Variants in PDZD2 observed in about 807,000 individuals in gnomAD.
PDZD2 encodes the protein PDZ domain-containing protein 2.
Under a neutral mutation model 220.7 loss-of-function variants are expected in PDZD2, and 90 were observed. That is an observed-to-expected ratio of 0.41 (90% CI 0.34 to 0.49). PDZD2 has a LOEUF of 0.49. Ranked by LOEUF, PDZD2 falls within the 20% of genes least tolerant of loss-of-function variation. The pLI, the probability that PDZD2 is intolerant of heterozygous loss-of-function variation, is 0.28. For synonymous variants in PDZD2, 1,375 were observed against 1,450.5 expected (o/e 0.95, Z 1.18); for missense variants, 3,174 against 3,608.5 (o/e 0.88, Z 3.08).
At chr5:31,949,524 C>A (rs967270089) in intron 2 of PDZD2, among the ~76,000 whole-genome samples, 1 of 152,128 alleles carries the variant, frequency 6.6e-6, no homozygotes, top group Non-Finnish European at 1.5e-5. Flanking sequence ...AAGTGGTCTA[C>A]CCCATTCTTC....
At chr5:31,849,977 T>TATATATATATAC (rs1757887330) in intron 2 of PDZD2, among the ~76,000 whole-genome samples, 1 of 36,010 alleles carries the variant, frequency 2.8e-5, no homozygotes, top group East Asian at 6.8e-4. Context: ...TATATATATA[T>TATATATATATAC]ACATATATAT....
chr5:31,724,226 C>A (rs1279151640), intron 1 of PDZD2, among the ~76,000 whole-genome samples: 1 of 152,144 alleles, frequency 6.6e-6, no homozygotes, highest in Non-Finnish European at 1.5e-5. Context: ...TTAAGGTGAG[C>A]TTTTGTGATG....
At chr5:31,902,285 G>A (rs913335358) in intron 2 of PDZD2, among the ~76,000 whole-genome samples, 1 of 152,098 alleles carries the variant, frequency 6.6e-6, no homozygotes, top group African/African-American at 2.4e-5. Context: ...CCAATCTAGT[G>A]TGTATAAAGT....
intron 1 of PDZD2, among the ~76,000 whole-genome samples, chr5:31,794,551 C>A (rs1753912461): frequency 6.6e-6 from 1 of 151,826 alleles, no homozygotes; most frequent in Non-Finnish European, 1.5e-5. Flanking sequence ...CGGGCGCCCA[C>A]CACCACTCCC....
intron 1 of PDZD2, among the ~76,000 whole-genome samples, chr5:31,722,092 C>T (rs1395787533): frequency 6.6e-6 from 1 of 152,182 alleles, no homozygotes; most frequent in African/African-American, 2.4e-5. Flanking sequence ...CAAGGCTGCT[C>T]CCTCCAGCCT....
intron 2 of PDZD2, among the ~76,000 whole-genome samples, chr5:31,926,853 G>A (rs1242828450): frequency 1.9e-5 from 1 of 51,910 alleles, no homozygotes; most frequent in African/African-American, 7.3e-5. Flanking sequence ...TAAACAAAGT[G>A]TGATATATAT....
At chr5:31,957,338 A>T (rs1747801608) in intron 2 of PDZD2, among the ~76,000 whole-genome samples, 3 of 152,206 alleles carry the variant, frequency 2.0e-5, no homozygotes, top group Non-Finnish European at 4.4e-5. Context: ...AGCTCTAGGA[A>T]TTTAATCTAG....
At chr5:31,980,240 TTC>T (rs1358761931) in intron 2 of PDZD2, among the ~76,000 whole-genome samples, 1 of 152,188 alleles carries the variant, frequency 6.6e-6, no homozygotes, top group Non-Finnish European at 1.5e-5. Context: ...GCACTAATCT[TTC>T]TGTCTCTATG....
chr5:32,064,299 T>C (rs1318848524), intron 14 of PDZD2, among the ~76,000 whole-genome samples: 5 of 151,954 alleles, frequency 3.3e-5, no homozygotes, highest in African/African-American at 1.2e-4. Context: ...TGGAGTGCAG[T>C]GGTGCAGTCT....
At chr5:31,936,566 T>TAA (rs11378684) in intron 2 of PDZD2, among the ~76,000 whole-genome samples, 15 of 145,150 alleles carry the variant, frequency 1.0e-4, no homozygotes, top group South Asian at 4.4e-4. Context: ...AGAGTTGCTT[T>TAA]AAAAAAAAAA....
intron 2 of PDZD2, among the ~76,000 whole-genome samples, chr5:31,835,946 G>T (rs1756919857): frequency 6.6e-6 from 1 of 152,224 alleles, no homozygotes. Flanking sequence ...TTTCCAGCAG[G>T]CTCATCACTC....
intron 1 of PDZD2, among the ~76,000 whole-genome samples, chr5:31,752,080 T>G (rs1233305630): frequency 1.6e-5 from 2 of 127,060 alleles, no homozygotes; most frequent in Non-Finnish European, 3.4e-5. Flanking sequence ...TTTGTTTTTT[T>G]TTTTTTTTTT....
At chr5:31,780,803 T>G (rs1024478393) in intron 1 of PDZD2, among the ~76,000 whole-genome samples, 3 of 152,122 alleles carry the variant, frequency 2.0e-5, no homozygotes, top group African/African-American at 7.2e-5. Context: ...CACTCTGTGA[T>G]CCCCAGGATT....
intron 6 of PDZD2, among the ~76,000 whole-genome samples, chr5:32,018,206 G>C (rs1753920701): frequency 6.6e-6 from 1 of 152,244 alleles, no homozygotes; most frequent in Admixed American, 6.5e-5. Flanking sequence ...GCACTCTGGA[G>C]AGGCCTCCTT....
chr5:32,007,914 C>T (rs1215401994), intron 5 of PDZD2, among the ~76,000 whole-genome samples: 2 of 150,082 alleles, frequency 1.3e-5, no homozygotes, highest in Admixed American at 6.7e-5. Context: ...ATCTCACCTG[C>T]GTCTTACAGC....
chr5:31,954,325 CTAT>C (rs1747465772), intron 2 of PDZD2, among the ~76,000 whole-genome samples: 3 of 152,224 alleles, frequency 2.0e-5, no homozygotes, highest in East Asian at 3.9e-4. Flanking sequence ...ATTATAGAAG[CTAT>C]TATTATTTTT....
chr5:31,826,528 T>C (rs914332010), intron 2 of PDZD2, among the ~76,000 whole-genome samples: 2 of 151,860 alleles, frequency 1.3e-5, no homozygotes, highest in Non-Finnish European at 2.9e-5. Context: ...CAAAAAAAAT[T>C]AGCCAGCTGT....
chr5:32,100,445 G>A (rs1744149829), intron 23 of PDZD2: 1 of 227,254 alleles, frequency 4.4e-6, no homozygotes, highest in Non-Finnish European at 8.8e-6. Context: ...CCCGAAACCA[G>A]CACACAGAGC....
chr5:31,864,908 G>A (rs926916062), intron 2 of PDZD2, among the ~76,000 whole-genome samples: 4 of 144,680 alleles, frequency 2.8e-5, no homozygotes, highest in African/African-American at 1.0e-4. Context: ...GTGTGCAGTG[G>A]CGTAATCTCG....
Sources: allele counts gnomAD v4.1 joint callset (sites outside exome capture counted in the v4.1 genomes callset), GRCh38; gene constraint gnomAD v4.1.1; transcripts MANE v1.5; gene names NCBI Gene and HGNC (gene_info 2026-07-23, HGNC 2026-07-21).